The following ZNF536 variants were observed in gnomAD, a reference collection of about 807,000 sequenced individuals.
The protein encoded by ZNF536 is zinc finger protein 536.
In ZNF536, 13 loss-of-function variants were observed where a neutral mutation model predicts 84.5. The ratio of observed to expected loss-of-function variants is 0.15; its 90% CI spans 0.10 to 0.24. The LOEUF (loss-of-function observed/expected upper bound fraction) is 0.24, where lower values mean the gene tolerates loss of function less well. ZNF536 is among the 10% of genes least tolerant of loss of function. ZNF536 has a pLI of 1.00. For missense variants in ZNF536, 1,536 were observed against 1,747.5 expected (o/e 0.88, Z 2.16); for synonymous variants, 811 against 742.5 (o/e 1.09, Z -1.50).
intron 3 of ZNF536, among the ~76,000 whole-genome samples, chr19:30,366,574 TATC>T (rs2048440231): frequency 6.7e-6 from 1 of 149,030 alleles, no homozygotes; most frequent in African/African-American, 2.5e-5. Context: ...TCTCTAGATC[TATC>T]ATTTGTCTAT....
At chr19:30,485,748 G>T (rs2144978627) in intron 2 of ZNF536, among the ~76,000 whole-genome samples, 1 of 152,202 alleles carries the variant, frequency 6.6e-6, no homozygotes, top group East Asian at 1.9e-4. Flanking sequence ...TACTGTGTTT[G>T]TAAAGTGCTA....
intron 1 of ZNF536, among the ~76,000 whole-genome samples, chr19:30,571,328 T>G (rs2046537998): frequency 6.6e-6 from 1 of 152,156 alleles, no homozygotes; most frequent in Non-Finnish European, 1.5e-5. Context: ...GGATGGCTTT[T>G]GCAGGTCTGC....
intron 1 of ZNF536, among the ~76,000 whole-genome samples, chr19:30,581,645 A>C (rs1295645174): frequency 6.6e-6 from 1 of 152,126 alleles, no homozygotes; most frequent in East Asian, 1.9e-4. Flanking sequence ...AGGACAGTAA[A>C]GAAAAGGAGT....
intron 1 of ZNF536, among the ~76,000 whole-genome samples, chr19:30,245,893 C>T (rs993729096): frequency 6.6e-6 from 1 of 152,214 alleles, no homozygotes; most frequent in Non-Finnish European, 1.5e-5. Context: ...GACATCAGTA[C>T]GTTGGGCACG....
intron 2 of ZNF536, among the ~76,000 whole-genome samples, chr19:30,496,484 A>C (rs1410726034): frequency 2.0e-5 from 3 of 152,214 alleles, no homozygotes; most frequent in Non-Finnish European, 4.4e-5. Context: ...GTCCTGTCCC[A>C]TGCCAGAGCA....
rs143361300 is a variant in ZNF536, at chr19:30,252,693, G to A, written c.-190+24020G>A. On this transcript the variant is annotated intron_variant, in intron 1 of 5. Coordinates refer to the ZNF536 transcript ENST00000585628. ...AAATGGGAATCTTTGCCTGCCTAAT[G>A]GAGTGGCGAAGGTGCTGAGCTGGGT... 4.9e-3 allele frequency among the ~76,000 whole-genome samples: 753 copies of A among 152,318 alleles called. 3 individuals carry two copies. The highest frequency in any genetic ancestry group is 8.9e-3 in the Non-Finnish European group (603 of 68,034).
At chr19:30,356,632 G>T (rs1305429592) in intron 3 of ZNF536, among the ~76,000 whole-genome samples, 1 of 152,228 alleles carries the variant, frequency 6.6e-6, no homozygotes, top group African/African-American at 2.4e-5. Context: ...AAACTCCTTT[G>T]TAGCTGCTGA....
At chr19:30,536,954 A>AC (rs1207317157) in intron 3 of ZNF536, among the ~76,000 whole-genome samples, 1 of 151,506 alleles carries the variant, frequency 6.6e-6, no homozygotes, top group Non-Finnish European at 1.5e-5. Context: ...ATGGCAGTGG[A>AC]CCCCCCGCCC....
intron 2 of ZNF536, among the ~76,000 whole-genome samples, chr19:30,472,357 T>C (rs2053672637): frequency 6.6e-6 from 1 of 152,182 alleles, no homozygotes; most frequent in South Asian, 2.1e-4. Flanking sequence ...TTACATTGCT[T>C]TGTAGGCTTG....
chr19:30,268,657 T>C (rs1356034748), intron 1 of ZNF536, among the ~76,000 whole-genome samples: 13 of 152,232 alleles, frequency 8.5e-5, no homozygotes, highest in Non-Finnish European at 1.9e-4. Context: ...TTTATGCTCT[T>C]GACCTGTAAA....
chr19:30,690,755 G>A (rs1356067158), intron 1 of ZNF536, among the ~76,000 whole-genome samples: 1 of 152,100 alleles, frequency 6.6e-6, no homozygotes, highest in Non-Finnish European at 1.5e-5. Context: ...AAAATGGAAG[G>A]ATCGTAGTAA....
chr19:30,438,410 A>G (rs900864246), intron 1 of ZNF536, among the ~76,000 whole-genome samples: 2 of 152,226 alleles, frequency 1.3e-5, no homozygotes, highest in Non-Finnish European at 2.9e-5. Context: ...TCTTCTGGAC[A>G]TCAGTCCAGG....
rs1233854909 is a variant in ZNF536 at position 30,444,860 on chromosome 19, G to T, written c.1298G>T (p.Cys433Phe). The stretch of plus-strand genomic sequence containing the variant: ...AACCTGTACTCCAGGTACCTCTCCT[G>T]CCTGCAGAGTGGCTTCATGACCCCG... The part of the protein sequence containing the change: ...HANLYSRYLS[C>F]LQSGFMTPDK... The change falls in exon 2 of 5, where the codon TGC becomes TTC. Residue 433 changes from cysteine to phenylalanine, a missense_variant. Around this residue, in one of 8 missense-constraint regions of ZNF536, gnomAD observed 366 missense variants for 364.4 expected, o/e 1.00. Transcript: ENST00000355537. 4 of 1,613,504 alleles carry T rather than the reference G, an allele frequency of 2.5e-6. No individual in the cohort carries two copies. The highest frequency in any genetic ancestry group is 1.7e-6 in the Non-Finnish European group (2 of 1,179,944).
At chr19:30,295,996 G>A (rs992503508) in intron 2 of ZNF536, among the ~76,000 whole-genome samples, 6 of 152,296 alleles carry the variant, frequency 3.9e-5, no homozygotes, top group African/African-American at 1.2e-4. Context: ...GACCAGTGTC[G>A]GGCAGGGCAG....
intron 2 of ZNF536, among the ~76,000 whole-genome samples, chr19:30,465,567 A>T (rs1231480470): frequency 6.6e-6 from 1 of 152,194 alleles, no homozygotes; most frequent in Non-Finnish European, 1.5e-5. Context: ...ATACAGACTC[A>T]GTAAACACTT....
At chr19:30,381,670 G>T (rs945298441) in intron 1 of ZNF536, among the ~76,000 whole-genome samples, 56 of 152,304 alleles carry the variant, frequency 3.7e-4, no homozygotes, top group Non-Finnish European at 8.8e-5. Flanking sequence ...TGCAGGCTGG[G>T]GCAAGGGGCT....
chr19:30,485,240 GT>G (rs1276962552), intron 2 of ZNF536, among the ~76,000 whole-genome samples: 1 of 152,014 alleles, frequency 6.6e-6, no homozygotes, highest in African/African-American at 2.4e-5. Context: ...ACCCCTGCAC[GT>G]TTCCTTCTTC....
chr19:30,685,041 C>A (rs2051119601), intron 1 of ZNF536, among the ~76,000 whole-genome samples: 1 of 152,196 alleles, frequency 6.6e-6, no homozygotes, highest in Non-Finnish European at 1.5e-5. Flanking sequence ...CTCTGATTAG[C>A]CTACCAGATT....
intron 2 of ZNF536, among the ~76,000 whole-genome samples, chr19:30,298,027 C>T (rs1224252692): frequency 6.6e-6 from 1 of 151,974 alleles, no homozygotes; most frequent in Non-Finnish European, 1.5e-5. Context: ...ATTATAGGCG[C>T]GTGCCACCAT....
Sources: gnomAD v4.1 joint callset for allele counts (sites outside exome capture counted in the v4.1 genomes callset) on GRCh38, gnomAD v4.1.1 for gene constraint, gnomAD v4.1.1 regional missense constraint, MANE v1.5 for transcripts, NCBI Gene and HGNC (gene_info 2026-07-23, HGNC 2026-07-21) for gene names.